The following OSBPL1A variants were observed in gnomAD, a reference collection of about 807,000 sequenced individuals.
The protein encoded by OSBPL1A is oxysterol-binding protein-related protein 1.
In OSBPL1A, 80 loss-of-function variants were observed where a neutral mutation model predicts 137.1. The ratio of observed to expected loss-of-function variants is 0.58; its 90% confidence interval spans 0.49 to 0.70. The LOEUF (loss-of-function observed/expected upper bound fraction) is 0.70. Among genes scored for constraint, OSBPL1A ranks in the 30% least tolerant of loss-of-function variants. The pLI, the probability that OSBPL1A is intolerant of heterozygous loss-of-function variation, is 0.00. For missense variants in OSBPL1A, 970 were observed against 1,129.4 expected (o/e 0.86, Z 2.02); for synonymous variants, 365 against 389.7 (o/e 0.94, Z 0.75).
At chr18:24,172,734 C>T (rs375846694) in intron 21 of OSBPL1A, among the ~76,000 whole-genome samples, 7 of 152,042 alleles carry the variant, frequency 4.6e-5, no homozygotes, top group African/African-American at 1.2e-4. Context: ...AAATAAACTA[C>T]GTACATAATC....
intron 15 of OSBPL1A, among the ~76,000 whole-genome samples, chr18:24,258,461 T>C (rs750310472): frequency 3.3e-5 from 5 of 152,136 alleles, no homozygotes; most frequent in Non-Finnish European, 5.9e-5. Context: ...GAAGGCTAGT[T>C]ACCAGAGGTT....
At chr18:24,312,436 C>T (rs1599651131) in intron 12 of OSBPL1A, among the ~76,000 whole-genome samples, 1 of 152,080 alleles carries the variant, frequency 6.6e-6, no homozygotes, top group African/African-American at 2.4e-5. Flanking sequence ...TATTGAGAAC[C>T]TGTAATTTTA....
chr18:24,239,248 G>T lies in OSBPL1A; in HGVS notation c.1416C>A (p.Ser472Arg), dbSNP rs147125927. 54 of 1,613,918 alleles carry T rather than the reference G, an allele frequency of 3.3e-5. No homozygotes were observed. Among genetic ancestry groups the T allele is most frequent in the Non-Finnish European group, 4.5e-5 (53 of 1,179,966 alleles). The change falls in exon 16 of 28, where the codon AGC (serine) becomes AGA (arginine). Residue 472 changes from serine to arginine, a missense_variant. Ser to Arg is a moderately radical substitution (Grantham distance 110). Coordinates refer to ENST00000319481, the MANE Select transcript of OSBPL1A (RefSeq NM_080597.4). ...ACAGCGCATCATAGAACTCGTCCTC[G>T]CTAAGGATGCTGGCGGGTGGAGAGC... ...VKGSPPASIL[S>R]EDEFYDALSD... is the part of the protein sequence containing the mutation.
chr18:24,253,729 T>C (rs1847122335), intron 15 of OSBPL1A, among the ~76,000 whole-genome samples: 1 of 152,206 alleles, frequency 6.6e-6, no homozygotes, highest in Admixed American at 6.5e-5. Context: ...CAGAACTGGT[T>C]GAGCCAGATT....
chr18:24,245,300 C>T (rs1567972124), intron 15 of OSBPL1A, among the ~76,000 whole-genome samples: 1 of 152,126 alleles, frequency 6.6e-6, no homozygotes, highest in East Asian at 1.9e-4. Flanking sequence ...CTACGTTGCC[C>T]AGGCTAGACT....
At chr18:24,251,403 AAG>A (rs760165147) in intron 15 of OSBPL1A, among the ~76,000 whole-genome samples, 3 of 152,092 alleles carry the variant, frequency 2.0e-5, no homozygotes, top group South Asian at 2.1e-4. Context: ...TGGCCGAGCA[AAG>A]AGAGAGAGAG....
At chr18:24,246,477 G>C (rs1032117346) in intron 15 of OSBPL1A, among the ~76,000 whole-genome samples, 3 of 151,840 alleles carry the variant, frequency 2.0e-5, no homozygotes, top group Admixed American at 6.6e-5. Flanking sequence ...AAAGGGGATG[G>C]AGGAGCCAAG....
At chr18:24,361,981 T>C (rs902309611) in intron 4 of OSBPL1A, among the ~76,000 whole-genome samples, 1 of 122,258 alleles carries the variant, frequency 8.2e-6, no homozygotes, top group Non-Finnish European at 1.6e-5. Flanking sequence ...TGGGTGACAA[T>C]GGGAGACTCC....
At chr18:24,350,717 C>T (rs2091423794) in intron 4 of OSBPL1A, among the ~76,000 whole-genome samples, 1 of 152,154 alleles carries the variant, frequency 6.6e-6, no homozygotes, top group Non-Finnish European at 1.5e-5. Flanking sequence ...AAAACGGTGA[C>T]ACAATACCTC....
chr18:24,326,803 A>G (rs2090988889), intron 7 of OSBPL1A, among the ~76,000 whole-genome samples: 1 of 152,220 alleles, frequency 6.6e-6, no homozygotes, highest in Admixed American at 6.5e-5. Flanking sequence ...AACTTTTTAA[A>G]AAATATATGT....
chr18:24,265,655 G>A (rs1316544760), intron 15 of OSBPL1A, among the ~76,000 whole-genome samples: 1 of 152,142 alleles, frequency 6.6e-6, no homozygotes, highest in African/African-American at 2.4e-5. Context: ...TGTCCTGAAT[G>A]TAGCAAATAA....
chr18:24,371,012 C>T (rs1192057989), intron 2 of OSBPL1A, among the ~76,000 whole-genome samples: 1 of 152,112 alleles, frequency 6.6e-6, no homozygotes, highest in African/African-American at 2.4e-5. Flanking sequence ...TCTTCACTTC[C>T]TTCAATAAAT....
chr18:24,253,296 T>G (rs1237269774), intron 15 of OSBPL1A, among the ~76,000 whole-genome samples: 1 of 151,690 alleles, frequency 6.6e-6, no homozygotes, highest in Admixed American at 6.6e-5. Context: ...TCCATGTCCA[T>G]GGAAACCAAA....
chr18:24,386,099 A>G (rs970108588), intron 1 of OSBPL1A, among the ~76,000 whole-genome samples: 1 of 152,120 alleles, frequency 6.6e-6, no homozygotes, highest in East Asian at 1.9e-4. Context: ...AAGAAAAGGG[A>G]CAGATTTGTA....
At chr18:24,338,079 C>CTT (rs112484418) in intron 5 of OSBPL1A, among the ~76,000 whole-genome samples, 49 of 142,648 alleles carry the variant, frequency 3.4e-4, no homozygotes, top group East Asian at 1.8e-3. Context: ...CTTTTTCTTT[C>CTT]TTTTTTTTTT....
chr18:24,372,274 C>CAAAA (rs11369067), intron 2 of OSBPL1A, among the ~76,000 whole-genome samples: 1 of 105,132 alleles, frequency 9.5e-6, no homozygotes, highest in African/African-American at 3.2e-5. Context: ...GACGCTGTCG[C>CAAAA]AAAAAAAAAA....
chr18:24,372,945 T>C (rs1905782685), intron 2 of OSBPL1A, among the ~76,000 whole-genome samples: 1 of 152,042 alleles, frequency 6.6e-6, no homozygotes, highest in East Asian at 1.9e-4. Context: ...GCGCCTGTAG[T>C]CCCAGCTACT....
At position 24,333,056 on chromosome 18, in the gene OSBPL1A, A is replaced by G; in HGVS notation, c.511T>C (p.Cys171Arg). Residue 171 changes from cysteine to arginine, a missense_variant, in exon 7 of 28, where the codon TGT becomes CGT. By Grantham distance (180) the Cys-to-Arg change is radical (BLOSUM62 -3). Transcript: ENST00000319481. ...GGTGTATTTCCTAACTGATCCGAAC[A>G]GTTAACATCAGGAGGATTGGGCCTG... ...LNRPNPPDVNCSDQLGNTPLH... is the reference protein window; with the variant it reads ...LNRPNPPDVNRSDQLGNTPLH... 1.2e-6 allele frequency: 2 copies of G among 1,614,180 alleles called. No homozygotes were observed. Among genetic ancestry groups the G allele is most frequent in the Non-Finnish European group, 1.7e-6 (2 of 1,179,996 alleles).
intron 24 of OSBPL1A, among the ~76,000 whole-genome samples, chr18:24,169,083 C>G (rs2086210345): frequency 6.6e-6 from 1 of 152,126 alleles, no homozygotes; most frequent in African/African-American, 2.4e-5. Context: ...CTGTAGAGCA[C>G]AGTTGGTGCA....
Sources: gnomAD v4.1 joint callset for allele counts (sites outside exome capture counted in the v4.1 genomes callset) on GRCh38, gnomAD v4.1.1 for gene constraint, MANE v1.5 for transcripts, NCBI Gene and HGNC (gene_info 2026-07-23, HGNC 2026-07-21) for gene names.